Variants in NSMCE1 observed in about 807,000 individuals in gnomAD.
NSMCE1 encodes NSE1 component of SMC5/6 complex.
A neutral mutation model predicts 29.6 loss-of-function variants in NSMCE1; 18 were observed. The observed-to-expected ratio is 0.61, with a 90% CI of 0.42 to 0.90. NSMCE1 has a LOEUF of 0.90. Ranked by LOEUF, NSMCE1 falls within the 40% of genes least tolerant of loss-of-function variation. NSMCE1 has a pLI of 0.00. For missense variants in NSMCE1, 314 were observed against 343.6 expected (o/e 0.91, Z 0.68); for synonymous variants, 124 against 133.4 (o/e 0.93, Z 0.49).
At chr16:27,245,734 C>T (rs952619564) in intron 2 of NSMCE1, among the ~76,000 whole-genome samples, 5 of 152,212 alleles carry the variant, frequency 3.3e-5, no homozygotes, top group African/African-American at 9.6e-5. Context: ...TTTTCATACT[C>T]ATTTTTTGCC....
chr16:27,237,986 T>C (rs150375125), intron 2 of NSMCE1, among the ~76,000 whole-genome samples: 19 of 152,336 alleles, frequency 1.2e-4, no homozygotes, highest in South Asian at 4.1e-4. Context: ...ATCAGGGTCA[T>C]GTCCACGATC....
At chr16:27,267,030 A>T (rs1224628865) in intron 1 of NSMCE1, among the ~76,000 whole-genome samples, 1 of 152,164 alleles carries the variant, frequency 6.6e-6, no homozygotes, top group African/African-American at 2.4e-5. Flanking sequence ...AGGCAGAATT[A>T]TCTCTCTGCA....
chr16:27,236,313 T>C (rs1285441829), intron 2 of NSMCE1, among the ~76,000 whole-genome samples: 1 of 148,352 alleles, frequency 6.7e-6, no homozygotes, highest in African/African-American at 2.5e-5. Context: ...TTTTTTTTTT[T>C]TTTGAGACAG....
rs1157198737 is a variant in NSMCE1 at position 27,251,167 on chromosome 16, TATATATATATATATATATATATAA to T, written c.136+6244_136+6267del. On this transcript the variant is annotated intron_variant, in intron 2 of 7. Transcript: ENST00000361439. Reference sequence around the variant, plus strand: ...TAATTTTAATTATTTAAAATATATATATATATATATATATATATATATAAATATATATATATATATAAAACTCTG... The same window carrying T: ...TAATTTTAATTATTTAAAATATATATATATATATATATATATAAAACTCTG... Among the ~76,000 whole-genome samples the T allele has an allele frequency of 1.6e-3, 105 of 63,778 alleles. 3 individuals carry two copies. The South Asian group carries it at 0.035, about 21-fold the overall frequency. 41.8% of individuals were successfully genotyped at this position (63,778 alleles called of 152,430 possible). A position where few individuals can be genotyped will look rare whatever the true frequency, so the allele number is the denominator to read the frequency against.
intron 2 of NSMCE1, among the ~76,000 whole-genome samples, chr16:27,236,128 A>G (rs2083821374): frequency 6.6e-6 from 1 of 152,028 alleles, no homozygotes; most frequent in Non-Finnish European, 1.5e-5. Flanking sequence ...GGGCACCCAC[A>G]CTATTGCCGG....
rs74431851 is a variant in NSMCE1 at position 27,263,885 on chromosome 16, C to A, written c.-12+4821G>T. On this transcript the variant is annotated intron_variant, in intron 1 of 7. Transcript: ENST00000361439. ...ATGTTGGCAGCAATCACTTTAAAAA[C>A]CAAATTGACCCAATGCAATTGAATC... Among the ~76,000 whole-genome samples the A allele has an allele frequency of 2.3e-3, 343 of 152,298 alleles. 4 individuals carry two copies. The East Asian group carries it at 0.032, about 14-fold the overall frequency.
chr16:27,241,743 G>A (rs753883822), intron 2 of NSMCE1: 3 of 366,722 alleles, frequency 8.2e-6, no homozygotes, highest in South Asian at 6.0e-5. Context: ...GTGACGAACC[G>A]TCCTCTCCAT....
At chr16:27,231,459 G>A (rs1374176612) in intron 5 of NSMCE1, among the ~76,000 whole-genome samples, 2 of 152,074 alleles carry the variant, frequency 1.3e-5, no homozygotes, top group Non-Finnish European at 2.9e-5. Context: ...CAACATGGAG[G>A]AACCCCGTCT....
chr16:27,248,774 C>T (rs2083988357), intron 2 of NSMCE1, among the ~76,000 whole-genome samples: 2 of 151,530 alleles, frequency 1.3e-5, no homozygotes, highest in African/African-American at 2.4e-5. Flanking sequence ...TCTGTACAAC[C>T]GATTTGCAGT....
chr16:27,232,942 G>GA lies in NSMCE1; in HGVS notation c.483+58dup, dbSNP rs149562251. 1.3e-6 allele frequency: 2 copies of GA among 1,583,284 alleles called. No homozygotes were observed. The highest frequency in any genetic ancestry group is 2.2e-5 in the East Asian group (1 of 44,750). ...AGTTGGCTACAAGTACGATTTTGGAGAAAAAACTGTTATTCACTTGAAAAA... is the reference window on the plus strand; with the variant it reads ...AGTTGGCTACAAGTACGATTTTGGAGAAAAAAACTGTTATTCACTTGAAAAA... On this transcript the variant is annotated intron_variant, in intron 5 of 7. Transcript: ENST00000361439. This position sits in a 1 kb window ranked among gnomAD's most constrained non-coding sequence, Gnocchi z 4.5.
intron 1 of NSMCE1, among the ~76,000 whole-genome samples, chr16:27,265,159 TCC>T (rs2084208534): frequency 7.4e-6 from 1 of 134,954 alleles, no homozygotes; most frequent in South Asian, 2.5e-4. Context: ...TAAATTCTTT[TCC>T]TTTTTTTTTT....
In NSMCE1 at chr16:27,225,152, GATGGCTAATGCTGCCT is replaced by G; in HGVS notation, c.790_*4del. On this transcript the variant is annotated stop_lost and 3_prime_UTR_variant, in exon 8 of 8. Transcript: ENST00000361439. ...GGCAGCCAGCCCCTCAGCAGGGCAC[GATGGCTAATGCTGCCT>G]GGACCGCAGGGACTTTTTGTTCGAT... The G allele has an allele frequency of 1.3e-6, 2 of 1,578,816 alleles. No homozygotes were observed. The highest frequency in any genetic ancestry group is 1.7e-6 in the Non-Finnish European group (2 of 1,153,816).
chr16:27,251,076 G>A (rs183503981), intron 2 of NSMCE1, among the ~76,000 whole-genome samples: 3,535 of 146,620 alleles, frequency 0.024, 165 homozygotes, highest in African/African-American at 0.082. Flanking sequence ...CCCGACCTCA[G>A]GTGATCTGCC....
At chr16:27,261,031 G>A (rs1191884600) in intron 1 of NSMCE1, among the ~76,000 whole-genome samples, 2 of 151,504 alleles carry the variant, frequency 1.3e-5, no homozygotes, top group Non-Finnish European at 2.9e-5. Flanking sequence ...GCCAGGCATG[G>A]TGGTGCGTGC....
chr16:27,262,159 G>A (rs1234005956), intron 1 of NSMCE1, among the ~76,000 whole-genome samples: 3 of 151,426 alleles, frequency 2.0e-5, no homozygotes, highest in Non-Finnish European at 2.9e-5. Context: ...CAGGAGAATC[G>A]CTTGAACCTG....
At chr16:27,251,207 TAAA>T (rs58691360) in intron 2 of NSMCE1, among the ~76,000 whole-genome samples, 2 of 70,768 alleles carry the variant, frequency 2.8e-5, no homozygotes, top group African/African-American at 1.1e-4. Flanking sequence ...TATATATATA[TAAA>T]ACTCTGTAGA....
chr16:27,257,460 C>G lies in NSMCE1; in HGVS notation c.111G>C (p.Gln37His), dbSNP rs768311580. 3.1e-6 allele frequency: 5 copies of G among 1,613,364 alleles called. No homozygotes were observed. Among genetic ancestry groups the G allele is most frequent in the Non-Finnish European group, 4.2e-6 (5 of 1,179,740 alleles). ...GGTCATGGACCTTGTAGCAGTGCGT[C>G]TGCAAGCGCTTCACGTCCCATTCCT... ...VLEEWDVKRLQTHCYKVHDRN... is the reference protein window; with the variant it reads ...VLEEWDVKRLHTHCYKVHDRN... Residue 37 changes from glutamine (Q) to histidine (H), a missense_variant, in exon 2 of 8, where the codon CAG becomes CAC. Gln to His is a conservative substitution (Grantham distance 24). Transcript: ENST00000361439.
At chr16:27,241,787 G>A (rs558268637) in intron 2 of NSMCE1, 29 of 444,986 alleles carry the variant, frequency 6.5e-5, no homozygotes, top group African/African-American at 5.2e-4. Context: ...ACGCTGCAGC[G>A]CCGCTCCTCA....
intron 1 of NSMCE1, among the ~76,000 whole-genome samples, chr16:27,267,470 T>G (rs2084238907): frequency 6.6e-6 from 1 of 152,070 alleles, no homozygotes; most frequent in African/African-American, 2.4e-5. Flanking sequence ...GAGATAGACG[T>G]GACCATACAA....
Sources: allele counts gnomAD v4.1 joint callset (sites outside exome capture counted in the v4.1 genomes callset), GRCh38; gene constraint gnomAD v4.1.1; non-coding constraint Gnocchi (gnomAD v3.1); transcripts MANE v1.5; gene names NCBI Gene and HGNC (gene_info 2026-07-23, HGNC 2026-07-21).